GALNT15: variants seen among roughly 807,000 people sequenced by gnomAD.
GALNT15 encodes the protein polypeptide N-acetylgalactosaminyltransferase 15.
In GALNT15, 67 loss-of-function variants were observed where a neutral mutation model predicts 66.8. The ratio of observed to expected loss-of-function variants is 1.00; its 90% CI spans 0.82 to 1.23. GALNT15 has a LOEUF of 1.23. GALNT15 is among the 50% of genes most tolerant of loss of function. The pLI is 0.00. For missense variants in GALNT15, 827 were observed against 804.3 expected (o/e 1.03, Z -0.34); for synonymous variants, 313 against 311.5 (o/e 1.00, Z -0.05).
At chr3:16,201,428 T>A (rs1012805290) in intron 3 of GALNT15, among the ~76,000 whole-genome samples, 6 of 152,066 alleles carry the variant, frequency 3.9e-5, no homozygotes, top group East Asian at 3.9e-4. Flanking sequence ...TGATCCGCCC[T>A]CCTCAGCCTC....
At position 16,211,363 on chromosome 3, in the gene GALNT15, G is replaced by A. The variant is rs1013663937; in HGVS notation, c.1197+122G>A. On this transcript the variant is annotated intron_variant, in intron 5 of 9. Transcript: ENST00000339732. This position sits in a 1 kb window ranked among gnomAD's most constrained non-coding sequence, Gnocchi z 4.3. The stretch of plus-strand genomic sequence containing the variant: ...AATGAGGCTGTGGGAAAATTATAAA[G>A]TCATTCCTGTGTTGTGTGTCAAACC... The A allele has an allele frequency of 3.6e-5, 24 of 665,072 alleles. No individual in the cohort carries two copies. The African/African-American group carries it at 3.7e-4, about 10-fold the overall frequency. 41.2% of individuals were successfully genotyped at this position (665,072 alleles called of 1,614,324 possible). A position where few individuals can be genotyped will look rare whatever the true frequency, so the allele number is the denominator to read the frequency against.
the GALNT15 span, among the ~76,000 whole-genome samples, chr3:16,247,942 C>A: frequency 6.6e-6 from 1 of 152,218 alleles, no homozygotes; most frequent in Non-Finnish European, 1.5e-5. Context: ...GCACTCCAGG[C>A]TTCCAGCTCA....
rs1438366299 is a variant in GALNT15 at position 16,176,630 on chromosome 3, C to A, written c.539+940C>A. Among the ~76,000 whole-genome samples the A allele has an allele frequency of 6.6e-6, 1 of 152,216 alleles. No homozygotes were observed. The highest frequency in any genetic ancestry group is 1.5e-5 in the Non-Finnish European group (1 of 68,028). On this transcript the variant is annotated intron_variant, in intron 1 of 9. Coordinates refer to ENST00000339732, the MANE Select transcript of GALNT15 (RefSeq NM_054110.5). This position sits in a 1 kb window ranked among gnomAD's most constrained non-coding sequence, Gnocchi z 5.6. Reference sequence around the variant, plus strand: ...GCTCCCTTACTGTCACCATGGCTGACCACTGAGGAGGGAGCCTTGGTTACC... The same window carrying A: ...GCTCCCTTACTGTCACCATGGCTGAACACTGAGGAGGGAGCCTTGGTTACC...
intron 6 of GALNT15, among the ~76,000 whole-genome samples, chr3:16,215,273 C>T (rs1664166173): frequency 1.3e-5 from 2 of 152,210 alleles, no homozygotes. Context: ...TTTTTTAGAG[C>T]ATGACTGGTC....
chr3:16,247,981 C>T, the GALNT15 span, among the ~76,000 whole-genome samples: 8 of 152,166 alleles, frequency 5.3e-5, no homozygotes, highest in Non-Finnish European at 1.0e-4. Flanking sequence ...CATTTGGTGG[C>T]GAAAACTCTA....
At chr3:16,223,158 T>G in intron 9 of GALNT15, among the ~76,000 whole-genome samples, 1 of 152,254 alleles carries the variant, frequency 6.6e-6, no homozygotes, top group East Asian at 1.9e-4. Context: ...TAGATACAGA[T>G]GTAGATGTAA....
chr3:16,208,432 T>G, intron 3 of GALNT15, 71 bp from the exon 4 acceptor site: 1 of 1,533,864 alleles, frequency 6.5e-7, no homozygotes, highest in African/African-American at 1.4e-5. Flanking sequence ...GGGCAGCCCA[T>G]GTACAGACTG....
At chr3:16,223,736 A>T (rs1393584361) in intron 9 of GALNT15, among the ~76,000 whole-genome samples, 3 of 140,156 alleles carry the variant, frequency 2.1e-5, no homozygotes, top group South Asian at 2.2e-4. Flanking sequence ...TCTGTTACCC[A>T]GGTTGGAGTG....
chr3:16,191,409 A>G lies in GALNT15; in HGVS notation c.540-4351A>G, dbSNP rs774507240. 6.9e-6 allele frequency: 6 copies of G among 868,818 alleles called. No homozygotes were observed. The highest frequency in any genetic ancestry group is 8.3e-6 in the Non-Finnish European group (6 of 723,664). The allele number at this position is 868,818 out of a possible 1,614,324, so 53.8% of individuals were successfully genotyped here. The stretch of plus-strand genomic sequence containing the variant: ...ACCCACTGTTCTTGGTGCTTTATAA[A>G]GATCATTTCATCTCCACAACAGCAA... On this transcript the variant is annotated intron_variant, in intron 1 of 9. Transcript: ENST00000339732. The surrounding 1 kb of genome is among the most constrained non-coding windows in gnomAD (Gnocchi z 5.2).
At chr3:16,223,264 G>T (rs944806720) in intron 9 of GALNT15, among the ~76,000 whole-genome samples, 1 of 152,062 alleles carries the variant, frequency 6.6e-6, no homozygotes. Flanking sequence ...CTATTACCCT[G>T]GGGGAAAGAA....
At chr3:16,230,628 G>A (rs1220366425), downstream of GALNT15, among the ~76,000 whole-genome samples, 3 of 152,112 alleles carry the variant, frequency 2.0e-5, no homozygotes, top group Non-Finnish European at 2.9e-5. This position sits in a 1 kb window ranked among gnomAD's most constrained non-coding sequence, Gnocchi z 4.5. Context: ...AATATGTAGA[G>A]TTGTGCAAAC....
intron 2 of GALNT15, among the ~76,000 whole-genome samples, chr3:16,196,591 G>A (rs1324649203): frequency 6.6e-6 from 1 of 152,200 alleles, no homozygotes; most frequent in Non-Finnish European, 1.5e-5. Flanking sequence ...TCTCACGCTT[G>A]AGCATGCATC....
the GALNT15 span, among the ~76,000 whole-genome samples, chr3:16,247,602 C>T: frequency 2.0e-5 from 3 of 152,328 alleles, no homozygotes; most frequent in African/African-American, 7.2e-5. Flanking sequence ...GCCTGTGACC[C>T]ACACTCACTC....
At chr3:16,239,096 A>G in the GALNT15 span, among the ~76,000 whole-genome samples, 1 of 152,192 alleles carries the variant, frequency 6.6e-6, no homozygotes, top group East Asian at 1.9e-4. The surrounding 1 kb of genome is among the most constrained non-coding windows in gnomAD (Gnocchi z 5.2). Context: ...AATCCCAAAC[A>G]GGATGGAGAG....
At position 16,185,936 on chromosome 3, in the gene GALNT15, TTAG is replaced by T. The variant is rs1396942851; in HGVS notation, c.540-9820_540-9818del. Among the ~76,000 whole-genome samples, 6 of 152,312 alleles carry T rather than the reference TTAG, an allele frequency of 3.9e-5. No individual in the cohort carries two copies. In the East Asian group the frequency reaches 1.2e-3, roughly 29 times the overall value. ...GCTGTATAACGCACCTTATCAAAAC[TTAG>T]TAGATTTTAAAAAATAGATATTTTT... On this transcript the variant is annotated intron_variant, in intron 1 of 9. Transcript: ENST00000339732.
At chr3:16,201,233 G>T (rs1257246501) in intron 3 of GALNT15, among the ~76,000 whole-genome samples, 1 of 152,024 alleles carries the variant, frequency 6.6e-6, no homozygotes, top group Non-Finnish European at 1.5e-5. Context: ...CCAGGCTGGA[G>T]TGCAGCGGGG....
At position 16,191,332 on chromosome 3, in the gene GALNT15, A is replaced by C; in HGVS notation, c.540-4428A>C. 56 of 985,266 alleles carry C rather than the reference A, an allele frequency of 5.7e-5. No individual in the cohort carries two copies. Among genetic ancestry groups the C allele is most frequent in the Non-Finnish European group, 6.7e-5 (56 of 829,782 alleles). 61.0% of individuals were successfully genotyped at this position (985,266 alleles called of 1,614,324 possible). On this transcript the variant is annotated intron_variant, in intron 1 of 9. Coordinates refer to ENST00000339732, the MANE Select transcript of GALNT15 (RefSeq NM_054110.5). The surrounding 1 kb of genome is among the most constrained non-coding windows in gnomAD (Gnocchi z 5.2). ...GAGCCTGAGAGGTACCTCTTGTAGT[A>C]ATGGGACATCTGTTAATAATGGCAG...
chr3:16,232,113 C>T, downstream of GALNT15: 1 of 603,456 alleles, frequency 1.7e-6, no homozygotes, highest in Non-Finnish European at 2.6e-6. Flanking sequence ...CAAAATTCTC[C>T]AACCCAAACC....
intron 3 of GALNT15, among the ~76,000 whole-genome samples, chr3:16,205,767 C>A (rs181730700): frequency 1.3e-5 from 2 of 152,308 alleles, no homozygotes; most frequent in East Asian, 3.9e-4. Context: ...TGCTAGGCAG[C>A]CACTGTGGTC....
Sources: allele counts gnomAD v4.1 joint callset (sites outside exome capture counted in the v4.1 genomes callset), GRCh38; gene constraint gnomAD v4.1.1; non-coding constraint Gnocchi (gnomAD v3.1); transcripts MANE v1.5; gene names NCBI Gene and HGNC (gene_info 2026-07-23, HGNC 2026-07-21).